PLD5: variants seen among roughly 807,000 people sequenced by gnomAD.
The protein encoded by PLD5 is inactive phospholipase D5.
A neutral mutation model predicts 61.1 loss-of-function variants in PLD5; 36 were observed. The ratio of observed to expected loss-of-function variants is 0.59; its 90% confidence interval spans 0.45 to 0.78. The LOEUF is 0.78. Among genes scored for constraint, PLD5 ranks in the 30% least tolerant of loss-of-function variants. PLD5 has a pLI of 0.00. For synonymous variants in PLD5, 243 were observed against 242.8 expected (o/e 1.00, Z -0.01); for missense variants, 515 against 644.4 (o/e 0.80, Z 2.17).
At chr1:242,364,786 TTAAAAA>T (rs1661252206) in intron 1 of PLD5, among the ~76,000 whole-genome samples, 1 of 151,980 alleles carries the variant, frequency 6.6e-6, no homozygotes, top group African/African-American at 2.4e-5. Flanking sequence ...AATGTATACT[TTAAAAA>T]TGTAAAAAGG....
intron 1 of PLD5, among the ~76,000 whole-genome samples, chr1:242,460,061 G>A (rs907373828): frequency 6.6e-6 from 1 of 152,096 alleles, no homozygotes; most frequent in African/African-American, 2.4e-5. Context: ...CTAATCATAG[G>A]TTATGGAAAG....
At chr1:242,251,296 AGAG>A (rs1214269431) in intron 4 of PLD5, among the ~76,000 whole-genome samples, 2 of 152,206 alleles carry the variant, frequency 1.3e-5, no homozygotes, top group African/African-American at 2.4e-5. Flanking sequence ...AAGAGAAAGA[AGAG>A]AAGAAGCCAA....
At chr1:242,512,621 G>A (rs1011766229) in intron 1 of PLD5, among the ~76,000 whole-genome samples, 2 of 152,070 alleles carry the variant, frequency 1.3e-5, no homozygotes, top group East Asian at 3.9e-4. Context: ...TAATGAAAAT[G>A]GAGACATATG....
At chr1:242,109,403 A>T in intron 7 of PLD5, among the ~76,000 whole-genome samples, 1 of 152,072 alleles carries the variant, frequency 6.6e-6, no homozygotes, top group Admixed American at 6.5e-5. Context: ...ACTTGAACCC[A>T]GGAGGTGGAG....
chr1:242,193,468 G>A (rs1222742307), intron 5 of PLD5, among the ~76,000 whole-genome samples: 1 of 152,206 alleles, frequency 6.6e-6, no homozygotes, highest in Non-Finnish European at 1.5e-5. Context: ...CATGCACAGA[G>A]AGACTTCTCC....
At chr1:242,288,305 A>G (rs1675148038) in intron 3 of PLD5, 57 bp downstream of exon 3, 1 of 1,585,172 alleles carries the variant, frequency 6.3e-7, no homozygotes, top group Admixed American at 2.0e-5. Context: ...GCAGAATACT[A>G]AGGAGTGGAA....
Position 242,444,382 on chromosome 1 carries a change from C to T in PLD5, c.189+79706G>A, listed in dbSNP as rs182523180. Among the ~76,000 whole-genome samples, 331 of 152,052 alleles carry T rather than the reference C, an allele frequency of 2.2e-3. 3 individuals are homozygous for T. The highest frequency in any genetic ancestry group is 6.8e-3 in the African/African-American group (282 of 41,500). On this transcript the variant is annotated intron_variant, in intron 1 of 9. Transcript: ENST00000536534. ...GGAGAAGAGGGAGGTATTTTGTATG[C>T]ACTCATTCTCCTCCACATATTTCTA... is the stretch of plus-strand genomic sequence containing the variant.
At chr1:242,394,067 C>CATATATATATATGAGTATAT (rs1663167672) in intron 1 of PLD5, among the ~76,000 whole-genome samples, 1 of 66,530 alleles carries the variant, frequency 1.5e-5, no homozygotes, top group African/African-American at 6.4e-5. Flanking sequence ...CAAAAAAAAA[C>CATATATATATATGAGTATAT]ATATATATAT....
rs142269675 is a variant in PLD5 at position 242,299,498 on chromosome 1, C to T, written c.327-10968G>A. 2.7e-3 allele frequency among the ~76,000 whole-genome samples: 406 copies of T among 152,328 alleles called. 4 individuals carry two copies. Among genetic ancestry groups the T allele is most frequent in the African/African-American group, 3.3e-3 (137 of 41,570 alleles). On this transcript the variant is annotated intron_variant, in intron 2 of 9. Coordinates refer to ENST00000536534, the MANE Select transcript of PLD5 (RefSeq NM_001372062.1). The stretch of plus-strand genomic sequence containing the variant: ...GGCACACAGCTAGTGAGTGATGAAG[C>T]CCAGATTTAAGCCCAGCAATATGAC...
intron 1 of PLD5, chr1:242,365,175 T>C (rs1661273849): frequency 6.6e-6 from 1 of 152,200 alleles, no homozygotes; most frequent in Non-Finnish European, 1.5e-5. Flanking sequence ...CCAATTACCA[T>C]GGCATGAGGA....
intron 5 of PLD5, among the ~76,000 whole-genome samples, chr1:242,127,128 G>T (rs1227130886): frequency 1.3e-5 from 2 of 152,094 alleles, no homozygotes; most frequent in African/African-American, 4.8e-5. Context: ...TGCAAGAATG[G>T]CTATAATCAA....
At chr1:242,154,150 G>T (rs930780280) in intron 5 of PLD5, among the ~76,000 whole-genome samples, 7 of 152,118 alleles carry the variant, frequency 4.6e-5, no homozygotes, top group African/African-American at 1.7e-4. Context: ...CTGTTTGTCT[G>T]TTATTGGTGT....
rs1264530617 is a variant in PLD5 at position 242,083,824 on chromosome 1, A to T, written c.*6030T>A. Reference sequence around the variant, plus strand: ...TATTGGAAAGTAACATATAATTTCAACGTTTTTAATCCTGGGAATTGAGGT... The same window carrying T: ...TATTGGAAAGTAACATATAATTTCATCGTTTTTAATCCTGGGAATTGAGGT... On this transcript the variant is annotated 3_prime_UTR_variant, in exon 10 of 10. Coordinates refer to ENST00000536534, the MANE Select transcript of PLD5 (RefSeq NM_001372062.1). The T allele has an allele frequency of 1.3e-5, 2 of 152,202 alleles. No homozygotes were observed. Among genetic ancestry groups the T allele is most frequent in the Non-Finnish European group, 2.9e-5 (2 of 68,040 alleles). 9.4% of individuals were successfully genotyped at this position (152,202 alleles called of 1,614,324 possible).
chr1:242,381,077 T>C (rs2149255412), intron 1 of PLD5, among the ~76,000 whole-genome samples: 1 of 152,322 alleles, frequency 6.6e-6, no homozygotes, highest in East Asian at 1.9e-4. Flanking sequence ...TAAATCATTC[T>C]ATTATAAAGA....
intron 1 of PLD5, among the ~76,000 whole-genome samples, chr1:242,460,669 A>C (rs1025002116): frequency 1.5e-4 from 23 of 151,942 alleles, no homozygotes; most frequent in African/African-American, 5.6e-4. Context: ...CCCCAAGTGT[A>C]ATGGGGCTGT....
At chr1:242,346,689 G>A (rs1212845826) in intron 2 of PLD5, among the ~76,000 whole-genome samples, 1 of 152,094 alleles carries the variant, frequency 6.6e-6, no homozygotes, top group Non-Finnish European at 1.5e-5. Context: ...GGATGTGCAG[G>A]TTTGTTACAT....
intron 5 of PLD5, among the ~76,000 whole-genome samples, chr1:242,218,154 AATC>A (rs1190996073): frequency 6.6e-6 from 1 of 152,222 alleles, no homozygotes; most frequent in African/African-American, 2.4e-5. Context: ...AGCCTTTAGC[AATC>A]ACCACCCTGA....
intron 7 of PLD5, among the ~76,000 whole-genome samples, chr1:242,112,318 T>TGTGC (rs1156532656): frequency 2.9e-5 from 3 of 102,716 alleles, no homozygotes; most frequent in African/African-American, 5.6e-5. Flanking sequence ...TGTGTGTGTG[T>TGTGC]GTGTGTATGT....
chr1:242,233,090 G>T (rs887228084), intron 4 of PLD5, among the ~76,000 whole-genome samples: 1 of 152,078 alleles, frequency 6.6e-6, no homozygotes, highest in Admixed American at 6.5e-5. Context: ...GGAGGCCAAG[G>T]TTGCAGTGAG....
Sources: gnomAD v4.1 joint callset for allele counts (sites outside exome capture counted in the v4.1 genomes callset) on GRCh38, gnomAD v4.1.1 for gene constraint, MANE v1.5 for transcripts, NCBI Gene and HGNC (gene_info 2026-07-23, HGNC 2026-07-21) for gene names.